STK3: variants seen among roughly 807,000 people sequenced by gnomAD.
STK3 encodes the protein serine/threonine kinase 3, also known as serine/threonine-protein kinase 3.
A neutral mutation model predicts 58.0 loss-of-function variants in STK3; 41 were observed. The ratio of observed to expected loss-of-function variants is 0.71; its 90% CI spans 0.55 to 0.92. The LOEUF is 0.92. STK3 is among the 40% of genes least tolerant of loss of function. The pLI, the probability that STK3 is intolerant of heterozygous loss-of-function variation, is 0.00. For synonymous variants in STK3, 170 were observed against 191.0 expected, an observed-to-expected ratio of 0.89 and a Z score of 0.91; for missense variants, 479 against 602.7, an observed-to-expected ratio of 0.79 and a Z score of 2.15.
intron 6 of STK3, among the ~76,000 whole-genome samples, chr8:98,676,345 C>T (rs1026260670): frequency 1.3e-5 from 2 of 152,084 alleles, no homozygotes; most frequent in Non-Finnish European, 2.9e-5. Flanking sequence ...TTAAATGGGG[C>T]GGGGCGCGGT....
chr8:98,903,725 AGG>A (rs1160664940), intron 1 of STK3, among the ~76,000 whole-genome samples: 1 of 152,034 alleles, frequency 6.6e-6, no homozygotes, highest in East Asian at 1.9e-4. Context: ...TTTTGACAGA[AGG>A]TATGGAAACT....
At chr8:98,750,153 A>G (rs1829882343) in intron 3 of STK3, among the ~76,000 whole-genome samples, 1 of 152,198 alleles carries the variant, frequency 6.6e-6, no homozygotes, top group Non-Finnish European at 1.5e-5. Context: ...ATGCTACAAG[A>G]GCTCAAATGA....
intron 3 of STK3, chr8:98,430,100 T>C (rs1818306923): frequency 6.0e-6 from 1 of 167,028 alleles, no homozygotes; most frequent in Non-Finnish European, 1.5e-5. Context: ...GAATGTTACT[T>C]AGTTAAACAT....
chr8:98,811,723 T>G (rs1006981874), intron 1 of STK3, among the ~76,000 whole-genome samples: 2 of 152,210 alleles, frequency 1.3e-5, no homozygotes, highest in African/African-American at 4.8e-5. Flanking sequence ...ATTTTCTAAA[T>G]TATACATTGA....
intron 3 of STK3, among the ~76,000 whole-genome samples, chr8:98,849,439 CA>C (rs1164603659): frequency 1.3e-5 from 2 of 152,108 alleles, no homozygotes; most frequent in Non-Finnish European, 2.9e-5. Context: ...TACCTCAACT[CA>C]CCCAGTTCTT....
At chr8:98,837,180 C>T (rs1835776945) in intron 3 of STK3, among the ~76,000 whole-genome samples, 1 of 151,930 alleles carries the variant, frequency 6.6e-6, no homozygotes, top group South Asian at 2.1e-4. Flanking sequence ...ATAACTAAGA[C>T]CTATGAAGGG....
intron 9 of STK3, among the ~76,000 whole-genome samples, chr8:98,532,571 C>T (rs1024558941): frequency 1.9e-4 from 29 of 152,060 alleles, no homozygotes; most frequent in Non-Finnish European, 5.9e-5. Flanking sequence ...AAAAACAGTG[C>T]CAATAGACTT....
At chr8:98,759,357 G>GC (rs35693163) in intron 3 of STK3, among the ~76,000 whole-genome samples, 36,873 of 152,072 alleles carry the variant, frequency 0.24, 5,402 homozygotes, top group East Asian at 0.44. Flanking sequence ...GGGAGATGGG[G>GC]CCCACGGCCT....
chr8:98,348,035 G>A, the STK3 span, among the ~76,000 whole-genome samples: 2 of 152,146 alleles, frequency 1.3e-5, no homozygotes, highest in African/African-American at 4.8e-5. Flanking sequence ...CGATAATCAA[G>A]ACTGATATTG....
the STK3 span, among the ~76,000 whole-genome samples, chr8:98,357,552 G>A: frequency 6.6e-6 from 1 of 152,222 alleles, no homozygotes; most frequent in Non-Finnish European, 1.5e-5. Context: ...GGATGTGGCT[G>A]AGGCTGCCAT....
At chr8:98,462,784 T>C (rs891101438) in intron 10 of STK3, among the ~76,000 whole-genome samples, 7 of 152,356 alleles carry the variant, frequency 4.6e-5, no homozygotes, top group African/African-American at 1.7e-4. Flanking sequence ...GGTAGCTTAA[T>C]AATCAACCTT....
At chr8:98,762,962 T>G (rs1412426911) in intron 3 of STK3, among the ~76,000 whole-genome samples, 3 of 152,214 alleles carry the variant, frequency 2.0e-5, no homozygotes, top group Non-Finnish European at 4.4e-5. Flanking sequence ...TTTTGGGCAA[T>G]TCATGTAAAA....
intron 3 of STK3, among the ~76,000 whole-genome samples, chr8:98,855,461 G>A (rs1172915967): frequency 1.3e-5 from 2 of 152,096 alleles, no homozygotes; most frequent in Non-Finnish European, 2.9e-5. Flanking sequence ...ATAGCCACAT[G>A]CAAAAGAATG....
chr8:98,548,019 G>A lies in STK3; in HGVS notation c.1091C>T (p.Thr364Ile). The change falls in exon 9 of 11, where the codon ACC becomes ATC. Residue 364 changes from threonine (T) to isoleucine (I), a missense_variant. Transcript: ENST00000419617. ...CTCATCCTCACTGTTTATCACCATG[G>A]TCCCCAAGTCGGATTCCAACATCGT... The part of the protein sequence containing the change: ...NSTMLESDLG[T>I]MVINSEDEEE... The A allele has an allele frequency of 6.2e-7, 1 of 1,607,988 alleles. No homozygotes were observed. The highest frequency in any genetic ancestry group is 8.5e-7 in the Non-Finnish European group (1 of 1,177,322).
intron 3 of STK3, among the ~76,000 whole-genome samples, chr8:98,402,838 T>A (rs1175628139): frequency 6.6e-6 from 1 of 152,118 alleles, no homozygotes; most frequent in Non-Finnish European, 1.5e-5. Flanking sequence ...GATGAGCACA[T>A]GTTCCAAGCA....
At chr8:98,575,787 T>A (rs944448822) in intron 8 of STK3, among the ~76,000 whole-genome samples, 5 of 152,240 alleles carry the variant, frequency 3.3e-5, no homozygotes, top group South Asian at 4.1e-4. Flanking sequence ...ACATTTTGGA[T>A]ACTAGACCCT....
chr8:98,770,768 T>G (rs775097285), intron 2 of STK3, among the ~76,000 whole-genome samples: 55 of 152,182 alleles, frequency 3.6e-4, no homozygotes, highest in Admixed American at 2.6e-4. Context: ...ACTGGCTCCT[T>G]GAGTTTAATA....
chr8:98,564,645 T>A (rs1476809590), intron 8 of STK3, among the ~76,000 whole-genome samples: 1 of 152,156 alleles, frequency 6.6e-6, no homozygotes, highest in South Asian at 2.1e-4. Flanking sequence ...AAAGAAATGA[T>A]AAATGCATGA....
chr8:98,927,465 T>G lies in STK3; in HGVS notation c.-79+14913A>C, dbSNP rs1159025583. ...CATATGGCACAAGCTGAGCCAAATC[T>G]TCTATGGAAGGTCTTCTCCTACTAC... On this transcript the variant is annotated intron_variant, in intron 1 of 1. Coordinates refer to the STK3 transcript ENST00000519420. 2.6e-5 allele frequency among the ~76,000 whole-genome samples: 4 copies of G among 152,234 alleles called. No homozygotes were observed. In the South Asian group the frequency reaches 8.3e-4, roughly 31 times the overall value.
Sources: allele counts gnomAD v4.1 joint callset (sites outside exome capture counted in the v4.1 genomes callset), GRCh38; gene constraint gnomAD v4.1.1; transcripts MANE v1.5; gene names NCBI Gene and HGNC (gene_info 2026-07-23, HGNC 2026-07-21).